NELL2: variants seen among roughly 807,000 people sequenced by gnomAD.
The protein encoded by NELL2 is protein kinase C-binding protein NELL2.
A neutral mutation model predicts 109.6 loss-of-function variants in NELL2; 41 were observed. The ratio of observed to expected loss-of-function variants is 0.37; its 90% CI spans 0.29 to 0.49. The LOEUF is 0.49. NELL2 is among the 20% of genes least tolerant of loss of function. The pLI is 0.98. For synonymous variants in NELL2, 355 were observed against 344.7 expected (o/e 1.03, Z -0.33); for missense variants, 900 against 1,008.3 (o/e 0.89, Z 1.45).
intron 15 of NELL2, among the ~76,000 whole-genome samples, chr12:44,563,397 G>A (rs1943545851): frequency 6.6e-6 from 1 of 151,720 alleles, no homozygotes; most frequent in Non-Finnish European, 1.5e-5. Flanking sequence ...TCTTGCCTTT[G>A]CCACCAGCAA....
At chr12:44,776,861 T>C (rs977290173) in intron 7 of NELL2, among the ~76,000 whole-genome samples, 181 bp downstream of exon 7, 1 of 152,248 alleles carries the variant, frequency 6.6e-6, no homozygotes, top group Non-Finnish European at 1.5e-5. Context: ...TTATTTGTTA[T>C]ACAGATGGCT....
chr12:44,519,475 A>T (rs993120329), intron 19 of NELL2, among the ~76,000 whole-genome samples: 2 of 152,340 alleles, frequency 1.3e-5, no homozygotes, highest in Middle Eastern at 6.8e-3. Context: ...CAACTGTATG[A>T]ATAAAATATG....
At chr12:44,590,570 A>G (rs1283092374) in intron 15 of NELL2, among the ~76,000 whole-genome samples, 2 of 152,118 alleles carry the variant, frequency 1.3e-5, no homozygotes, top group Non-Finnish European at 2.9e-5. Context: ...TGCCACAAAA[A>G]CCATTTCATA....
intron 15 of NELL2, among the ~76,000 whole-genome samples, chr12:44,556,393 C>A (rs1372889348): frequency 2.0e-5 from 3 of 152,102 alleles, no homozygotes; most frequent in Non-Finnish European, 4.4e-5. Context: ...AGATCAAGAT[C>A]TATGAGCAGC....
intron 15 of NELL2, among the ~76,000 whole-genome samples, chr12:44,586,787 G>T (rs575096565): frequency 6.6e-6 from 1 of 152,156 alleles, no homozygotes; most frequent in South Asian, 2.1e-4. Flanking sequence ...GTTATTTTTT[G>T]AAGGAGATTG....
chr12:44,758,012 T>C (rs1333563368), intron 9 of NELL2, among the ~76,000 whole-genome samples: 1 of 151,774 alleles, frequency 6.6e-6, no homozygotes, highest in Non-Finnish European at 1.5e-5. Context: ...TTTTGTTTCA[T>C]CTGGTGAAAA....
chr12:44,658,804 G>A (rs58322207), intron 13 of NELL2, among the ~76,000 whole-genome samples: 23,665 of 148,900 alleles, frequency 0.16, 1,953 homozygotes, highest in East Asian at 0.2. Flanking sequence ...TGAACCCTGG[G>A]GGCTGGAGCC....
At chr12:44,728,124 T>C (rs1361727759) in intron 9 of NELL2, among the ~76,000 whole-genome samples, 1 of 151,916 alleles carries the variant, frequency 6.6e-6, no homozygotes, top group African/African-American at 2.4e-5. Flanking sequence ...CCACAGACAC[T>C]GACCTAAAGA....
rs80225888 is a variant in NELL2 at position 44,538,528 on chromosome 12, A to G, written c.1664-5807T>C. 5.9e-3 allele frequency among the ~76,000 whole-genome samples: 901 copies of G among 152,282 alleles called. 7 individuals carry two copies. Among genetic ancestry groups the G allele is most frequent in the African/African-American group, 0.02 (845 of 41,568 alleles). On this transcript the variant is annotated intron_variant, in intron 15 of 19. Coordinates refer to ENST00000429094, the MANE Select transcript of NELL2 (RefSeq NM_001145108.2). The stretch of plus-strand genomic sequence containing the variant: ...GAAAGAATGTCTTTTTTTTCTGTGA[A>G]CAATCAAGAGCCACTGAAAGGTTAT...
intron 1 of NELL2, among the ~76,000 whole-genome samples, chr12:44,905,763 G>A (rs1335942125): frequency 1.3e-5 from 2 of 151,854 alleles, no homozygotes; most frequent in African/African-American, 4.8e-5. Flanking sequence ...GGCCTATAGG[G>A]GGACCTTTGG....
intron 3 of NELL2, among the ~76,000 whole-genome samples, chr12:44,809,562 T>G (rs1408604384): frequency 2.0e-5 from 3 of 152,088 alleles, no homozygotes; most frequent in African/African-American, 7.2e-5. Flanking sequence ...TGTGCTCACA[T>G]GAAGTTTGTG....
intron 9 of NELL2, among the ~76,000 whole-genome samples, chr12:44,729,981 TCAC>T (rs1283350433): frequency 6.6e-6 from 1 of 152,160 alleles, no homozygotes. Context: ...AGGCAGGGTT[TCAC>T]CATGTTGGCC....
At chr12:44,530,108 T>A (rs994229169) in intron 16 of NELL2, among the ~76,000 whole-genome samples, 1 of 152,076 alleles carries the variant, frequency 6.6e-6, no homozygotes, top group African/African-American at 2.4e-5. Flanking sequence ...TGAGTTTGAT[T>A]TTTGATAGGA....
chr12:44,630,337 A>G (rs1024031593), intron 13 of NELL2, among the ~76,000 whole-genome samples: 10 of 152,224 alleles, frequency 6.6e-5, no homozygotes, highest in Non-Finnish European at 1.0e-4. Context: ...AAAAGGGGTG[A>G]AAAAATTTCT....
chr12:44,651,358 G>T (rs999813668), intron 13 of NELL2, among the ~76,000 whole-genome samples: 2 of 152,120 alleles, frequency 1.3e-5, no homozygotes, highest in African/African-American at 4.8e-5. Flanking sequence ...TCACTTCCAT[G>T]GATATTTTCC....
At chr12:44,630,983 A>C (rs1946435356) in intron 13 of NELL2, among the ~76,000 whole-genome samples, 1 of 151,934 alleles carries the variant, frequency 6.6e-6, no homozygotes, top group South Asian at 2.1e-4. Flanking sequence ...TAGTTTACCC[A>C]AATTCTATCT....
intron 11 of NELL2, among the ~76,000 whole-genome samples, chr12:44,708,353 T>C (rs1321041557): frequency 6.6e-6 from 1 of 152,170 alleles, no homozygotes; most frequent in Non-Finnish European, 1.5e-5. Context: ...GTAGCTTAGT[T>C]TCCAACCACT....
intron 15 of NELL2, among the ~76,000 whole-genome samples, chr12:44,595,745 T>A (rs1944937580): frequency 6.6e-6 from 1 of 152,060 alleles, no homozygotes; most frequent in African/African-American, 2.4e-5. Context: ...CTGGCCCCTT[T>A]AACTTGTTTT....
chr12:44,633,318 T>A (rs938520812), intron 13 of NELL2, among the ~76,000 whole-genome samples: 2 of 152,070 alleles, frequency 1.3e-5, no homozygotes, highest in Admixed American at 6.6e-5. Context: ...AAAGAAGTGC[T>A]AGAGAAGCAC....
Sources: gnomAD v4.1 joint callset for allele counts (sites outside exome capture counted in the v4.1 genomes callset) on GRCh38, gnomAD v4.1.1 for gene constraint, MANE v1.5 for transcripts, NCBI Gene and HGNC (gene_info 2026-07-23, HGNC 2026-07-21) for gene names.